Variants in MCFD2 observed in about 807,000 individuals in gnomAD.
MCFD2 encodes the protein multiple coagulation factor deficiency 2, ER cargo receptor complex subunit.
Under a neutral mutation model 12.8 loss-of-function variants are expected in MCFD2, and 11 were observed. The observed-to-expected ratio is 0.86, with a 90% CI of 0.54 to 1.42. The LOEUF (loss-of-function observed/expected upper bound fraction) is 1.42, where lower values mean the gene tolerates loss of function less well. MCFD2 is among the 40% of genes most tolerant of loss of function. MCFD2 has a pLI of 0.00. For synonymous variants in MCFD2, 70 were observed against 68.1 expected, an observed-to-expected ratio of 1.03 and a Z score of -0.14; for missense variants, 191 against 178.6, an observed-to-expected ratio of 1.07 and a Z score of -0.40.
Position 46,907,377 on chromosome 2 carries a change from T to C in MCFD2, c.309+433A>G, listed in dbSNP as rs75170909. The C allele has an allele frequency of 7.0e-3, 1,374 of 196,758 alleles. 24 individuals carry two copies. Among genetic ancestry groups the C allele is most frequent in the African/African-American group, 0.03 (1,252 of 42,300 alleles). The allele number at this position is 196,758 out of a possible 1,614,324, so 12.2% of individuals were successfully genotyped here. On this transcript the variant is annotated intron_variant, in intron 3 of 3. Coordinates refer to ENST00000319466, the MANE Select transcript of MCFD2 (RefSeq NM_139279.6). This position sits in a 1 kb window ranked among gnomAD's most constrained non-coding sequence, Gnocchi z 4.1. ...AGAGAAAGAAGCAGCAGCACCTTTT[T>C]TTTTCTTTTCTTTTTTTCTCTTTTT...
At chr2:46,921,202 T>C (rs1311243645) in intron 1 of MCFD2, among the ~76,000 whole-genome samples, 4 of 152,196 alleles carry the variant, frequency 2.6e-5, no homozygotes, top group Admixed American at 1.3e-4. Flanking sequence ...ATAAAAGGCA[T>C]GCAGACTGGG....
In MCFD2 at chr2:46,905,399, A is replaced by G. The variant is rs754447509; in HGVS notation, c.*64T>C. ...TGGAAATGAGTTATTTTGCATTACTAAAGTGTTCAATCACATTATCACGGG... is the reference window on the plus strand; with the variant it reads ...TGGAAATGAGTTATTTTGCATTACTGAAGTGTTCAATCACATTATCACGGG... On this transcript the variant is annotated 3_prime_UTR_variant, in exon 4 of 4. Transcript: ENST00000319466. 2.2e-4 allele frequency: 342 copies of G among 1,578,858 alleles called. No individual in the cohort carries two copies. In the African/African-American group the frequency reaches 3.4e-3, roughly 16 times the overall value.
intron 1 of MCFD2, among the ~76,000 whole-genome samples, chr2:46,928,400 C>G (rs1177407884): frequency 6.8e-6 from 1 of 146,162 alleles, no homozygotes; most frequent in Non-Finnish European, 1.5e-5. Flanking sequence ...TTAACTGAGG[C>G]TAGAATCTCA....
chr2:46,907,822 A>T lies in MCFD2; in HGVS notation c.297T>A (p.His99Gln). 1 of 1,614,200 alleles carries T rather than the reference A, an allele frequency of 6.2e-7. No homozygotes were observed. The highest frequency in any genetic ancestry group is 8.5e-7 in the Non-Finnish European group (1 of 1,180,028). ...DGLELSTAIT[H>Q]VHKEEGSEQA... ...CTGCCAGACCTACCTCCTTATGGAC[A>T]TGAGTGATGGCTGTGGAGAGTTCTA... The change falls in exon 3 of 4, where the codon CAT (histidine) becomes CAA (glutamine). Residue 99 changes from histidine to glutamine, a missense_variant. His to Gln is a conservative substitution (Grantham distance 24). Coordinates refer to ENST00000319466, the MANE Select transcript of MCFD2 (RefSeq NM_139279.6). The surrounding 1 kb of genome is among the most constrained non-coding windows in gnomAD (Gnocchi z 4.1).
intron 1 of MCFD2, among the ~76,000 whole-genome samples, chr2:46,911,155 GTC>G (rs1668470091): frequency 6.6e-6 from 1 of 152,066 alleles, no homozygotes; most frequent in Admixed American, 6.5e-5. Context: ...TTGAGACAGA[GTC>G]TTGTTCTTTC....
rs768388209 is a variant in MCFD2, at chr2:46,905,541, T to C, written c.363A>G (p.Ile121Met). Residue 121 changes from isoleucine to methionine, a missense_variant, in exon 4 of 4, where the codon ATA becomes ATG. Ile to Met is a conservative substitution (Grantham distance 10). Transcript: ENST00000319466. ...TGTCATCATCTCTCAAAACACCATC[T>C]ATTATGTTAATCAGTTCATCTTCAC... is the stretch of plus-strand genomic sequence containing the variant. ...LMSEDELINI[I>M]DGVLRDDDKN... The C allele has an allele frequency of 8.1e-6, 13 of 1,613,492 alleles. No individual in the cohort carries two copies. Among genetic ancestry groups the C allele is most frequent in the Non-Finnish European group, 1.0e-5 (12 of 1,179,606 alleles).
intron 1 of MCFD2, among the ~76,000 whole-genome samples, chr2:46,927,158 A>G (rs1052178232): frequency 6.6e-6 from 1 of 152,114 alleles, no homozygotes; most frequent in African/African-American, 2.4e-5. Flanking sequence ...GGAGGAGAGG[A>G]GAGAATGAGC....
In MCFD2 at chr2:46,902,100, AATC is replaced by A. The variant is rs1321990912; in HGVS notation, c.*3360_*3362del. The stretch of plus-strand genomic sequence containing the variant: ...ATTTTGTAGTCTCTTTTTCCCATTC[AATC>A]ATCGTTTCAGGTTTTCTATTACAGA... On this transcript the variant is annotated 3_prime_UTR_variant, in exon 4 of 4. Coordinates refer to ENST00000319466, the MANE Select transcript of MCFD2 (RefSeq NM_139279.6). The A allele has an allele frequency of 1.3e-5, 2 of 152,636 alleles. No homozygotes were observed. The highest frequency in any genetic ancestry group is 6.5e-5 in the Admixed American group (1 of 15,280). 9.5% of individuals were successfully genotyped at this position (152,636 alleles called of 1,614,324 possible).
chr2:46,904,684 G>C lies in MCFD2; in HGVS notation c.*779C>G, dbSNP rs926357317. ...CTGTACCCCTGTTGGTATCTAGGAAGTAACTAGCTTGCTTTTGATTTTACA... is the reference window on the plus strand; with the variant it reads ...CTGTACCCCTGTTGGTATCTAGGAACTAACTAGCTTGCTTTTGATTTTACA... On this transcript the variant is annotated 3_prime_UTR_variant, in exon 4 of 4. Transcript: ENST00000319466. The C allele has an allele frequency of 6.6e-6, 1 of 152,460 alleles. No homozygotes were observed. The highest frequency in any genetic ancestry group is 1.5e-5 in the Non-Finnish European group (1 of 68,250). The allele number at this position is 152,460 out of a possible 1,614,324, so 9.4% of individuals were successfully genotyped here.
intron 1 of MCFD2, among the ~76,000 whole-genome samples, chr2:46,934,775 A>AAGACT (rs1239902181): frequency 7.0e-6 from 1 of 142,036 alleles, no homozygotes; most frequent in Non-Finnish European, 1.5e-5. Flanking sequence ...ATAAGGTATG[A>AAGACT]AGACTACTGC....
intron 1 of MCFD2, among the ~76,000 whole-genome samples, chr2:46,931,587 A>G (rs886390716): frequency 1.3e-5 from 2 of 152,156 alleles, no homozygotes; most frequent in African/African-American, 4.8e-5. Context: ...AGATGTAGAA[A>G]GGGGTCACCA....
chr2:46,938,312 A>G (rs1670080566), intron 1 of MCFD2, among the ~76,000 whole-genome samples: 1 of 152,238 alleles, frequency 6.6e-6, no homozygotes, highest in South Asian at 2.1e-4. Flanking sequence ...CAAAATATCA[A>G]TCTTAAACTT....
intron 1 of MCFD2, among the ~76,000 whole-genome samples, chr2:46,909,672 A>C (rs116059672): frequency 0.011 from 1,738 of 152,304 alleles, 37 homozygotes; most frequent in African/African-American, 0.04. Context: ...CTGAAGGACC[A>C]CAGGAATGGT....
At chr2:46,912,672 C>A (rs1439715660) in intron 1 of MCFD2, 3 of 152,120 alleles carry the variant, frequency 2.0e-5, no homozygotes, top group African/African-American at 7.2e-5. Context: ...CAAATTAATT[C>A]TTTTTTTTCT....
In MCFD2 at chr2:46,915,733, T is replaced by G; in HGVS notation, c.-17A>C. 2.0e-6 allele frequency: 2 copies of G among 977,212 alleles called. No individual in the cohort carries two copies. Among genetic ancestry groups the G allele is most frequent in the Middle Eastern group, 5.3e-4 (1 of 1,894 alleles). 60.5% of individuals were successfully genotyped at this position (977,212 alleles called of 1,614,324 possible). A position where few individuals can be genotyped will look rare whatever the true frequency, so the allele number is the denominator to read the frequency against. ...CGCTAGTTCACTCACCCTTACGGTC[T>G]CCGAAGCAGACGCGAAGCCCTCCAA... On this transcript the variant is annotated 5_prime_UTR_variant, in exon 1 of 4. Coordinates refer to ENST00000319466, the MANE Select transcript of MCFD2 (RefSeq NM_139279.6).
At position 46,941,640 on chromosome 2, in the gene MCFD2, C is replaced by A. The variant is rs1181309680; in HGVS notation, c.-76G>T. 4 of 1,553,226 alleles carry A rather than the reference C, an allele frequency of 2.6e-6. No individual in the cohort carries two copies. The highest frequency in any genetic ancestry group is 3.5e-6 in the Non-Finnish European group (4 of 1,148,836). On this transcript the variant is annotated 5_prime_UTR_variant, in exon 1 of 3. Transcript: ENST00000409147. The surrounding 1 kb of genome is among the most constrained non-coding windows in gnomAD (Gnocchi z 4.2). ...ACTGGGACCGCATGCCGGAGCTGGT[C>A]CGGCAGCTGCAGACGCTGAGCATGC...
In MCFD2 at chr2:46,904,166, T is replaced by A. The variant is rs1218246300; in HGVS notation, c.*1297A>T. On this transcript the variant is annotated 3_prime_UTR_variant, in exon 4 of 4. Coordinates refer to ENST00000319466, the MANE Select transcript of MCFD2 (RefSeq NM_139279.6). ...AAACCTCCGCCTAGTTTTCAGAAGA[T>A]GTATGGAAATGCCTCAATGCCCAGG... The A allele has an allele frequency of 6.6e-6, 1 of 152,228 alleles. No individual in the cohort carries two copies. 9.4% of individuals were successfully genotyped at this position (152,228 alleles called of 1,614,324 possible). A position where few individuals can be genotyped will look rare whatever the true frequency, so the allele number is the denominator to read the frequency against.
At position 46,928,191 on chromosome 2, in the gene MCFD2, C is replaced by T. The variant is rs76335479; in HGVS notation, c.-8+13381G>A. 2.4e-4 allele frequency among the ~76,000 whole-genome samples: 36 copies of T among 151,972 alleles called. No homozygotes were observed. In the East Asian group the frequency reaches 6.2e-3, roughly 26 times the overall value. On this transcript the variant is annotated intron_variant, in intron 1 of 2. Coordinates refer to the MCFD2 transcript ENST00000409147. ...ACAGGCGTGAGTCATTGCACCCAGC[C>T]TTGTATTAGTTTTCTCTTTCTGCAT...
chr2:46,902,015 A>G lies in MCFD2; in HGVS notation c.*3448T>C, dbSNP rs1196798194. 4 of 152,694 alleles carry G rather than the reference A, an allele frequency of 2.6e-5. No homozygotes were observed. Among genetic ancestry groups the G allele is most frequent in the African/African-American group, 9.6e-5 (4 of 41,468 alleles). The allele number at this position is 152,694 out of a possible 1,614,324, so 9.5% of individuals were successfully genotyped here. ...GACACAGGAAACCATTTTTACAAAT[A>G]CATATGTTTTCTTATAATACTGTAA... On this transcript the variant is annotated 3_prime_UTR_variant, in exon 4 of 4. Coordinates refer to ENST00000319466, the MANE Select transcript of MCFD2 (RefSeq NM_139279.6).
Sources: allele counts gnomAD v4.1 joint callset (sites outside exome capture counted in the v4.1 genomes callset), GRCh38; gene constraint gnomAD v4.1.1; non-coding constraint Gnocchi (gnomAD v3.1); transcripts MANE v1.5; gene names NCBI Gene and HGNC (gene_info 2026-07-23, HGNC 2026-07-21).